FREM2: variants seen among roughly 807,000 people sequenced by gnomAD.
FREM2 encodes the protein FRAS1 related extracellular matrix 2, also known as FRAS1-related extracellular matrix protein 2.
FREM2 carries 119 observed loss-of-function variants against 219.9 expected under a neutral mutation model. The ratio of observed to expected loss-of-function variants is 0.54; its 90% CI spans 0.47 to 0.63. FREM2 has a LOEUF of 0.63. Ranked by LOEUF, FREM2 falls within the 30% of genes least tolerant of loss-of-function variation. The pLI, the probability that FREM2 is intolerant of heterozygous loss-of-function variation, is 0.00. For synonymous variants in FREM2, 1,562 were observed against 1,522.8 expected (o/e 1.03, Z -0.60); for missense variants, 4,030 against 3,993.6 (o/e 1.01, Z -0.25).
At chr13:38,774,698 G>A (rs1168423164) in intron 4 of FREM2, among the ~76,000 whole-genome samples, 2 of 152,144 alleles carry the variant, frequency 1.3e-5, no homozygotes, top group Admixed American at 6.5e-5. Flanking sequence ...GAGCTAAGAC[G>A]TCTGATTTTA....
Position 38,704,250 on chromosome 13 carries a change from T to C in FREM2, c.5263+6463T>C, listed in dbSNP as rs1213579769. Among the ~76,000 whole-genome samples, 57 of 152,220 alleles carry C rather than the reference T, an allele frequency of 3.7e-4. 1 individual carries two copies. The highest frequency in any genetic ancestry group is 3.7e-3 in the Admixed American group (56 of 15,280). ...CCACTCACCATGTTTCAGGTGTCCA[T>C]TGGGGTCTGAGAATACAGTGATGAA... On this transcript the variant is annotated intron_variant, in intron 2 of 23. Transcript: ENST00000280481.
At chr13:38,793,735 G>A (rs1303899226) in intron 6 of FREM2, among the ~76,000 whole-genome samples, 3 of 152,168 alleles carry the variant, frequency 2.0e-5, no homozygotes, top group African/African-American at 4.8e-5. Context: ...ACAGGTGATC[G>A]GTGACAGTGG....
At position 38,691,935 on chromosome 13, in the gene FREM2, A is replaced by G; in HGVS notation, c.4591A>G (p.Asn1531Asp). ...CCGTATCTCCATTAGCGATGTGGAC[A>G]ATAAAAAGCCAGTGGTCACCATCCA... ...TFRISISDVD[N>D]KKPVVTIHKL... The change falls in exon 1 of 24, where the codon AAT becomes GAT. Residue 1531 changes from asparagine (N) to aspartate (D), a missense_variant. Physicochemically the swap from Asn to Asp is conservative, Grantham distance 23 (BLOSUM62 1). Transcript: ENST00000280481. The G allele has an allele frequency of 6.2e-7, 1 of 1,614,216 alleles. No homozygotes were observed. The highest frequency in any genetic ancestry group is 1.1e-5 in the South Asian group (1 of 91,084).
At chr13:38,763,696 A>G (rs1338633136) in intron 2 of FREM2, among the ~76,000 whole-genome samples, 1 of 151,988 alleles carries the variant, frequency 6.6e-6, no homozygotes, top group Non-Finnish European at 1.5e-5. Flanking sequence ...AGCCCACTCC[A>G]TTTTGGTGGG....
chr13:38,857,765 A>G (rs1049059401), intron 12 of FREM2, 110 bp from the exon 13 acceptor site: 13 of 914,550 alleles, frequency 1.4e-5, no homozygotes, highest in East Asian at 2.5e-5. Flanking sequence ...GACAATTTGC[A>G]TCATAACGAG....
At chr13:38,776,776 A>G (rs1873883945) in intron 4 of FREM2, among the ~76,000 whole-genome samples, 1 of 149,914 alleles carries the variant, frequency 6.7e-6, no homozygotes, top group Non-Finnish European at 1.5e-5. Flanking sequence ...TAAATCTAAA[A>G]CTGCTAAAAA....
chr13:38,691,815 A>G lies in FREM2; in HGVS notation c.4471A>G (p.Lys1491Glu). 1 of 1,614,166 alleles carries G rather than the reference A, an allele frequency of 6.2e-7. No homozygotes were observed. Among genetic ancestry groups the G allele is most frequent in the Non-Finnish European group, 8.5e-7 (1 of 1,180,036 alleles). ...CACTCAGCTGCAACTGGCTGGAAACAAAATCTACTACATCCACACAGCTGA... is the reference window on the plus strand; with the variant it reads ...CACTCAGCTGCAACTGGCTGGAAACGAAATCTACTACATCCACACAGCTGA... ...SFTQLQLAGN[K>E]IYYIHTADDE... The change falls in exon 1 of 24, where the codon AAA (lysine) becomes GAA (glutamate). Residue 1491 changes from lysine (K) to glutamate (E), a missense_variant. Physicochemically the swap from Lys to Glu is moderately conservative, Grantham distance 56. Coordinates refer to ENST00000280481, the MANE Select transcript of FREM2 (RefSeq NM_207361.6).
rs1213168721 is a variant in FREM2 at position 38,882,847 on chromosome 13, A to T, written c.*2060A>T. On this transcript the variant is annotated 3_prime_UTR_variant, in exon 24 of 24. Coordinates refer to ENST00000280481, the MANE Select transcript of FREM2 (RefSeq NM_207361.6). ...GTAGACTGTTAGAGCAAGTATACTC[A>T]ATCAACTTGCTGATATTTTAGTAGT... 1.3e-5 allele frequency: 2 copies of T among 152,194 alleles called. No individual in the cohort carries two copies. Among genetic ancestry groups the T allele is most frequent in the African/African-American group, 4.8e-5 (2 of 41,466 alleles). 9.4% of individuals were successfully genotyped at this position (152,194 alleles called of 1,614,324 possible).
chr13:38,870,453 A>G (rs1878118980), intron 16 of FREM2, among the ~76,000 whole-genome samples: 1 of 152,236 alleles, frequency 6.6e-6, no homozygotes, highest in African/African-American at 2.4e-5. Flanking sequence ...AAGATTTGAC[A>G]GATATTTATT....
intron 15 of FREM2, among the ~76,000 whole-genome samples, chr13:38,861,913 G>C (rs1332177893): frequency 1.3e-5 from 2 of 152,146 alleles, no homozygotes; most frequent in Non-Finnish European, 2.9e-5. Flanking sequence ...TTCAACATGT[G>C]TTGCAGTTTT....
rs1034361158 is a variant in FREM2 at position 38,886,434 on chromosome 13, G to C, written c.*5647G>C. The C allele has an allele frequency of 6.6e-6, 1 of 151,358 alleles. No homozygotes were observed. The highest frequency in any genetic ancestry group is 1.5e-5 in the Non-Finnish European group (1 of 68,074). 9.4% of individuals were successfully genotyped at this position (151,358 alleles called of 1,614,324 possible). Reference sequence around the variant, plus strand: ...TTTTTTGAGACAGAGTTTCGCTCTTGTTGCCCAGGCTGGAGTGCAATGGAA... The same window carrying C: ...TTTTTTGAGACAGAGTTTCGCTCTTCTTGCCCAGGCTGGAGTGCAATGGAA... On this transcript the variant is annotated 3_prime_UTR_variant, in exon 24 of 24. Coordinates refer to ENST00000280481, the MANE Select transcript of FREM2 (RefSeq NM_207361.6).
intron 18 of FREM2, 47 bp downstream of exon 18, chr13:38,874,633 G>A: frequency 6.8e-7 from 1 of 1,468,918 alleles, no homozygotes; most frequent in Non-Finnish European, 9.5e-7. Flanking sequence ...CAAAAAGGAG[G>A]TAGATTTTCC....
At chr13:38,865,240 A>G (rs1195117709) in intron 16 of FREM2, among the ~76,000 whole-genome samples, 3 of 152,126 alleles carry the variant, frequency 2.0e-5, no homozygotes, top group Non-Finnish European at 1.5e-5. Context: ...CATACTACAC[A>G]TTCACACATA....
Position 38,691,083 on chromosome 13 carries a change from G to T in FREM2, c.3739G>T (p.Val1247Phe). 1 of 1,614,072 alleles carries T rather than the reference G, an allele frequency of 6.2e-7. No homozygotes were observed. The highest frequency in any genetic ancestry group is 8.5e-7 in the Non-Finnish European group (1 of 1,180,020). ...HIMNQLINGT[V>F]LVESFTLDQI... is the part of the protein sequence containing the mutation. ...CATGAATCAGCTGATAAATGGCACG[G>T]TTTTGGTCGAAAGCTTCACCTTGGA... Residue 1247 changes from valine to phenylalanine, a missense_variant, in exon 1 of 24, where the codon GTT (valine) becomes TTT (phenylalanine). Physicochemically the swap from Val to Phe is conservative, Grantham distance 50. Transcript: ENST00000280481.
chr13:38,779,336 T>C (rs1473091868), intron 4 of FREM2: 1 of 151,998 alleles, frequency 6.6e-6, no homozygotes, highest in Non-Finnish European at 1.5e-5. Context: ...ATCGCCCATG[T>C]ATACCTATGT....
intron 6 of FREM2, among the ~76,000 whole-genome samples, chr13:38,809,189 T>A (rs1039198322): frequency 2.0e-5 from 3 of 151,918 alleles, no homozygotes; most frequent in Non-Finnish European, 2.9e-5. Context: ...CTCAGTAGTA[T>A]TTTTTATATC....
chr13:38,833,475 A>G (rs1876588694), intron 6 of FREM2, among the ~76,000 whole-genome samples: 1 of 152,084 alleles, frequency 6.6e-6, no homozygotes, highest in Non-Finnish European at 1.5e-5. Flanking sequence ...TTTAAGAGTT[A>G]TTTAACCATC....
intron 2 of FREM2, among the ~76,000 whole-genome samples, chr13:38,759,095 T>C (rs1873130937): frequency 6.6e-6 from 1 of 152,182 alleles, no homozygotes; most frequent in Non-Finnish European, 1.5e-5. Flanking sequence ...AATATTATTA[T>C]CTTAATCTTT....
At position 38,688,736 on chromosome 13, in the gene FREM2, T is replaced by C. The variant is rs375354713; in HGVS notation, c.1392T>C (p.Gly464=). The part of the protein sequence containing the change: ...SRPLTGPAGS[G]PQNLVISDED... ...CCCTCACAGGCCCTGCAGGCAGTGGTCCGCAAAACTTGGTCATCAGCGATG... is the reference window on the plus strand; with the variant it reads ...CCCTCACAGGCCCTGCAGGCAGTGGCCCGCAAAACTTGGTCATCAGCGATG... The change falls in exon 1 of 24, where the codon GGT becomes GGC. Residue 464 remains glycine, a synonymous_variant. Coordinates refer to ENST00000280481, the MANE Select transcript of FREM2 (RefSeq NM_207361.6). The C allele has an allele frequency of 2.5e-6, 4 of 1,613,972 alleles. No homozygotes were observed. Among genetic ancestry groups the C allele is most frequent in the African/African-American group, 1.3e-5 (1 of 75,044 alleles).
Sources: gnomAD v4.1 joint callset for allele counts (sites outside exome capture counted in the v4.1 genomes callset) on GRCh38, gnomAD v4.1.1 for gene constraint, MANE v1.5 for transcripts, NCBI Gene and HGNC (gene_info 2026-07-23, HGNC 2026-07-21) for gene names.